The following RCAN2 variants were observed in gnomAD, a reference collection of about 807,000 sequenced individuals.
The protein encoded by RCAN2 is calcipressin-2.
RCAN2 carries 9 observed loss-of-function variants against 23.6 expected under a neutral mutation model. The observed-to-expected ratio is 0.38, with a 90% CI of 0.23 to 0.67. The LOEUF is 0.67. Ranked by LOEUF, RCAN2 falls within the 30% of genes least tolerant of loss-of-function variation. The probability of loss-of-function intolerance (pLI) is 0.51; values close to 1 mark genes in which losing one functional copy is unlikely to be tolerated. For missense variants in RCAN2, 273 were observed against 302.3 expected (o/e 0.90, Z 0.72); for synonymous variants, 109 against 115.7 (o/e 0.94, Z 0.37).
intron 2 of RCAN2, among the ~76,000 whole-genome samples, chr6:46,341,223 G>A (rs1764309552): frequency 6.6e-6 from 1 of 152,104 alleles, no homozygotes; most frequent in Non-Finnish European, 1.5e-5. Flanking sequence ...GATTATACCT[G>A]CATAAAAATG....
At chr6:46,362,827 C>T (rs1324000177) in intron 2 of RCAN2, among the ~76,000 whole-genome samples, 1 of 152,148 alleles carries the variant, frequency 6.6e-6, no homozygotes, top group African/African-American at 2.4e-5. Context: ...GCATCCTAGG[C>T]TCCTGCATAC....
At chr6:46,311,689 T>C (rs868015360) in intron 2 of RCAN2, among the ~76,000 whole-genome samples, 2 of 152,334 alleles carry the variant, frequency 1.3e-5, no homozygotes, top group Middle Eastern at 3.4e-3. Flanking sequence ...AGCTTCCTTG[T>C]TTCATGAAAT....
intron 1 of RCAN2, among the ~76,000 whole-genome samples, chr6:46,472,508 T>C (rs1768588175): frequency 6.6e-6 from 1 of 152,156 alleles, no homozygotes; most frequent in African/African-American, 2.4e-5. Context: ...CCCATTCCCC[T>C]GTGCTCAGCC....
At chr6:46,420,025 C>T (rs1468956935) in intron 2 of RCAN2, among the ~76,000 whole-genome samples, 1 of 152,030 alleles carries the variant, frequency 6.6e-6, no homozygotes, top group Non-Finnish European at 1.5e-5. Context: ...TTCAAATTCT[C>T]GCAGACAAGA....
intron 2 of RCAN2, among the ~76,000 whole-genome samples, chr6:46,401,373 C>A (rs1224675876): frequency 6.6e-6 from 1 of 152,170 alleles, no homozygotes; most frequent in Non-Finnish European, 1.5e-5. Context: ...CAAGGGTCCC[C>A]CTACAGTTTG....
At chr6:46,274,719 GGTT>G (rs1173719445) in intron 2 of RCAN2, among the ~76,000 whole-genome samples, 2 of 152,182 alleles carry the variant, frequency 1.3e-5, no homozygotes, top group African/African-American at 2.4e-5. Context: ...GAGCAGACAT[GGTT>G]GTGTGGACAT....
intron 2 of RCAN2, among the ~76,000 whole-genome samples, chr6:46,287,893 G>A (rs1762423304): frequency 6.6e-6 from 1 of 152,166 alleles, no homozygotes; most frequent in South Asian, 2.1e-4. Flanking sequence ...TACCTCACTG[G>A]GTTAGTACAC....
At chr6:46,337,335 T>A (rs1764176195) in intron 2 of RCAN2, among the ~76,000 whole-genome samples, 1 of 152,212 alleles carries the variant, frequency 6.6e-6, no homozygotes, top group Non-Finnish European at 1.5e-5. Flanking sequence ...CTTTTCTTCT[T>A]GTGCTAAAAC....
At chr6:46,472,965 T>C (rs544809427) in intron 1 of RCAN2, among the ~76,000 whole-genome samples, 2 of 152,318 alleles carry the variant, frequency 1.3e-5, no homozygotes, top group African/African-American at 4.8e-5. Flanking sequence ...AAAAAGTCCC[T>C]TCATGGGACT....
chr6:46,482,486 T>A (rs1219608173), intron 1 of RCAN2, among the ~76,000 whole-genome samples: 1 of 152,154 alleles, frequency 6.6e-6, no homozygotes. Context: ...TGTTGTGGTC[T>A]GTTGGGAAAT....
intron 1 of RCAN2, among the ~76,000 whole-genome samples, chr6:46,469,826 G>A (rs980925889): frequency 6.6e-5 from 10 of 152,174 alleles, no homozygotes; most frequent in African/African-American, 2.2e-4. Flanking sequence ...CCTTGTGAAT[G>A]AGATTAAGGT....
intron 2 of RCAN2, among the ~76,000 whole-genome samples, chr6:46,276,238 A>C (rs192043718): frequency 6.6e-6 from 1 of 152,106 alleles, no homozygotes; most frequent in Non-Finnish European, 1.5e-5. Context: ...ACAAAAACCA[A>C]CTATGCAGGG....
chr6:46,229,693 G>C (rs1462103631), intron 4 of RCAN2, among the ~76,000 whole-genome samples: 1 of 152,106 alleles, frequency 6.6e-6, no homozygotes, highest in African/African-American at 2.4e-5. Context: ...AAGGTTTTTA[G>C]CTTCTTTGTG....
At chr6:46,316,060 C>T (rs1486607313) in intron 2 of RCAN2, among the ~76,000 whole-genome samples, 1 of 152,152 alleles carries the variant, frequency 6.6e-6, no homozygotes, top group Non-Finnish European at 1.5e-5. Flanking sequence ...GTTCTGTCAC[C>T]TCTGAGTGTC....
At chr6:46,427,384 A>G (rs1203054093) in intron 2 of RCAN2, among the ~76,000 whole-genome samples, 2 of 152,180 alleles carry the variant, frequency 1.3e-5, no homozygotes, top group Non-Finnish European at 2.9e-5. Context: ...CTGACCTTCA[A>G]TTTCCTCATC....
intron 1 of RCAN2, among the ~76,000 whole-genome samples, chr6:46,490,685 C>T (rs1769114217): frequency 6.6e-6 from 1 of 152,192 alleles, no homozygotes. Flanking sequence ...GCCCGCTGCA[C>T]CTCAGTGCAC....
intron 2 of RCAN2, among the ~76,000 whole-genome samples, chr6:46,293,530 A>G (rs190304200): frequency 6.6e-6 from 1 of 152,332 alleles, no homozygotes; most frequent in African/African-American, 2.4e-5. Context: ...AGAACATATT[A>G]TAATATTCAA....
chr6:46,325,742 T>TC, intron 2 of RCAN2: 5 of 1,269,684 alleles, frequency 3.9e-6, no homozygotes, highest in Non-Finnish European at 5.0e-6. Flanking sequence ...TATTTTTTTT[T>TC]CTCCAAGCCT....
At chr6:46,231,082 T>C (rs1400065609) in intron 4 of RCAN2, among the ~76,000 whole-genome samples, 1 of 152,188 alleles carries the variant, frequency 6.6e-6, no homozygotes, top group African/African-American at 2.4e-5. Flanking sequence ...CTCTAGTAGC[T>C]GTGAAAGTAA....
Sources: gnomAD v4.1 joint callset for allele counts (sites outside exome capture counted in the v4.1 genomes callset) on GRCh38, gnomAD v4.1.1 for gene constraint, MANE v1.5 for transcripts, NCBI Gene and HGNC (gene_info 2026-07-23, HGNC 2026-07-21) for gene names.